The following C3orf52 variants were observed in gnomAD, a reference collection of about 807,000 sequenced individuals.
C3orf52 encodes the protein chromosome 3 open reading frame 52.
In C3orf52, 22 loss-of-function variants were observed where a neutral mutation model predicts 24.8. The ratio of observed to expected loss-of-function variants is 0.89; its 90% CI spans 0.63 to 1.27. The LOEUF is 1.27. Among genes scored for constraint, C3orf52 ranks in the 50% most tolerant of loss-of-function variants. C3orf52 has a pLI of 0.00. For synonymous variants in C3orf52, 93 were observed against 100.2 expected (o/e 0.93, Z 0.43); for missense variants, 265 against 260.7 (o/e 1.02, Z -0.11).
chr3:112,103,475 C>T (rs1275138970), intron 3 of C3orf52, among the ~76,000 whole-genome samples: 1 of 152,202 alleles, frequency 6.6e-6, no homozygotes, highest in African/African-American at 2.4e-5. Flanking sequence ...GTTCTTTTTA[C>T]TCCCTTAGGT....
chr3:112,133,166 C>G (rs745789807), downstream of C3orf52: 1 of 1,608,538 alleles, frequency 6.2e-7, no homozygotes, highest in South Asian at 1.1e-5. Flanking sequence ...TTACCACTTC[C>G]TTCTTGCCTT....
rs569794829 is a variant in C3orf52 at position 112,112,969 on chromosome 3, A to C, written c.473A>C (p.Glu158Ala). The C allele has an allele frequency of 5.0e-6, 8 of 1,606,110 alleles. No individual in the cohort carries two copies. Among genetic ancestry groups the C allele is most frequent in the South Asian group, 4.5e-5 (4 of 89,220 alleles). The change falls in exon 5 of 6, where the codon GAA becomes GCA. Residue 158 changes from glutamate (E) to alanine (A), a missense_variant. Coordinates refer to ENST00000264848, the MANE Select transcript of C3orf52 (RefSeq NM_024616.3). ...TGTCTTCCATTGCCTTTCAGTGGTGAAAATGCCACAGTAACGTATGACCTG... is the reference window on the plus strand; with the variant it reads ...TGTCTTCCATTGCCTTTCAGTGGTGCAAATGCCACAGTAACGTATGACCTG... ...TSVEIVDFSG[E>A]NATVTYDLQF...
At chr3:112,092,147 C>T (rs1026003753) in intron 1 of C3orf52, among the ~76,000 whole-genome samples, 5 of 152,138 alleles carry the variant, frequency 3.3e-5, no homozygotes, top group Non-Finnish European at 5.9e-5. Flanking sequence ...GCAGTTGCAC[C>T]CTTTGGCCGA....
intron 4 of C3orf52, among the ~76,000 whole-genome samples, chr3:112,111,225 C>T (rs2107787893): frequency 6.6e-6 from 1 of 152,288 alleles, no homozygotes; most frequent in Middle Eastern, 3.4e-3. Flanking sequence ...AAAACAGACC[C>T]AGTGTACATG....
Position 112,098,720 on chromosome 3 carries a change from A to T in C3orf52, c.269-4118A>T, listed in dbSNP as rs562450834. 8.5e-4 allele frequency among the ~76,000 whole-genome samples: 129 copies of T among 152,330 alleles called. 1 individual carries two copies. Among genetic ancestry groups the T allele is most frequent in the African/African-American group, 2.9e-3 (122 of 41,568 alleles). On this transcript the variant is annotated intron_variant, in intron 2 of 5. Transcript: ENST00000264848. ...GGAACTCCAAGATCAAAGTGTCAGC[A>T]CACATTTGCTGTCTGGTGAGGGCAC...
chr3:112,123,152 T>G, downstream of C3orf52: 1 of 390,094 alleles, frequency 2.6e-6, no homozygotes, highest in Non-Finnish European at 4.7e-6. Flanking sequence ...GCAGAGCCCC[T>G]TGTGGTGTGC....
intron 5 of C3orf52, among the ~76,000 whole-genome samples, 190 bp from the exon 6 acceptor site, chr3:112,116,452 T>A (rs1406016939): frequency 1.3e-5 from 2 of 152,152 alleles, no homozygotes; most frequent in African/African-American, 4.8e-5. Flanking sequence ...GTCATTTGCC[T>A]TTTGAAATGT....
At chr3:112,108,364 A>T (rs577249220) in intron 3 of C3orf52, among the ~76,000 whole-genome samples, 4 of 152,178 alleles carry the variant, frequency 2.6e-5, no homozygotes, top group African/African-American at 9.6e-5. Context: ...GCTGGTAAGG[A>T]TGTGGGAAAT....
At chr3:112,128,234 A>T in exon 5 of C3orf52, 7 of 706,988 alleles carry the variant, frequency 9.9e-6, no homozygotes, top group Non-Finnish European at 1.8e-5. Flanking sequence ...TCTTCCTAGG[A>T]TGAAGATGAT....
chr3:112,094,338 TTGTA>T (rs1351711215), intron 2 of C3orf52, among the ~76,000 whole-genome samples: 8 of 152,222 alleles, frequency 5.3e-5, no homozygotes, highest in Non-Finnish European at 1.2e-4. Flanking sequence ...TTTATTAGTG[TTGTA>T]TGTGTGTATA....
chr3:112,116,783 T>C lies in C3orf52; in HGVS notation c.*137T>C. Reference sequence around the variant, plus strand: ...GCAACACCAGAGGGGTGGAGACTCCTTTCTCTCCCGATTCTACAGTCTGGC... The same window carrying C: ...GCAACACCAGAGGGGTGGAGACTCCCTTCTCTCCCGATTCTACAGTCTGGC... On this transcript the variant is annotated 3_prime_UTR_variant, in exon 6 of 6. Coordinates refer to ENST00000264848, the MANE Select transcript of C3orf52 (RefSeq NM_024616.3). 3.2e-6 allele frequency: 5 copies of C among 1,543,618 alleles called. No homozygotes were observed. The highest frequency in any genetic ancestry group is 2.7e-5 in the African/African-American group (2 of 73,172).
chr3:112,115,594 A>G (rs2074127188), intron 5 of C3orf52, among the ~76,000 whole-genome samples: 1 of 152,182 alleles, frequency 6.6e-6, no homozygotes, highest in South Asian at 2.1e-4. Flanking sequence ...GGAAAAAAAA[A>G]TGTACCTACT....
chr3:112,122,062 C>T (rs2074211760), downstream of C3orf52: 1 of 152,190 alleles, frequency 6.6e-6, no homozygotes, highest in Non-Finnish European at 1.5e-5. Flanking sequence ...GGTGTGAATA[C>T]AGAAATAGTA....
At chr3:112,112,889 A>AAAAT in intron 4 of C3orf52, 75 bp from the exon 5 acceptor site, 31 of 1,189,012 alleles carry the variant, frequency 2.6e-5, no homozygotes, top group Non-Finnish European at 3.4e-5. Context: ...AAAAAAAAAA[A>AAAAT]GTTATTGCTT....
Position 112,123,724 on chromosome 3 carries a change from T to C in C3orf52, c.*46+4162T>C, listed in dbSNP as rs1237759523. ...GGCCTTGTACAGAGAACCCGATGAT[T>C]GATGAGGGTATAGCACAGCTCCTCT... On this transcript the variant is annotated intron_variant, in intron 4 of 4. Transcript: ENST00000480282. 1 of 1,613,842 alleles carries C rather than the reference T, an allele frequency of 6.2e-7. No homozygotes were observed. The highest frequency in any genetic ancestry group is 1.3e-5 in the African/African-American group (1 of 74,922).
At chr3:112,118,348 T>G (rs2074157603), downstream of C3orf52, 1 of 152,194 alleles carries the variant, frequency 6.6e-6, no homozygotes. Context: ...CAAGCCAAGT[T>G]TGGCTGGGGC....
chr3:112,090,778 C>A (rs994191704), intron 1 of C3orf52, among the ~76,000 whole-genome samples: 2 of 152,188 alleles, frequency 1.3e-5, no homozygotes, highest in African/African-American at 4.8e-5. Flanking sequence ...TTCTATGGCT[C>A]ATTTGAAACT....
downstream of C3orf52, chr3:112,129,750 A>T (rs2074408497): frequency 1.3e-5 from 2 of 152,218 alleles, no homozygotes; most frequent in East Asian, 1.9e-4. Context: ...TAACGCGGGC[A>T]TTGGTGTTAG....
In C3orf52 at chr3:112,116,863, C is replaced by CA. The variant is rs1448323815; in HGVS notation, c.*220dup. 1.4e-5 allele frequency: 22 copies of CA among 1,537,272 alleles called. No homozygotes were observed. Among genetic ancestry groups the CA allele is most frequent in the Admixed American group, 2.0e-5 (1 of 50,994 alleles). ...CTGCTTCAGCTGGGTCCAGTCTTGA[C>CA]AAAGGCAGGAAGCCAGCTAGGGTGG... On this transcript the variant is annotated 3_prime_UTR_variant, in exon 6 of 6. Coordinates refer to ENST00000264848, the MANE Select transcript of C3orf52 (RefSeq NM_024616.3).
Sources: gnomAD v4.1 joint callset for allele counts (sites outside exome capture counted in the v4.1 genomes callset) on GRCh38, gnomAD v4.1.1 for gene constraint, MANE v1.5 for transcripts, NCBI Gene and HGNC (gene_info 2026-07-23, HGNC 2026-07-21) for gene names.